Variants in PCDH15 observed in about 807,000 individuals in gnomAD.
PCDH15 encodes protocadherin related 15.
Under a neutral mutation model 178.5 loss-of-function variants are expected in PCDH15, and 129 were observed. That is an observed-to-expected ratio of 0.72 (90% CI 0.63 to 0.84). PCDH15 has a LOEUF of 0.84. Ranked by LOEUF, PCDH15 falls within the 40% of genes least tolerant of loss-of-function variation. PCDH15 has a pLI of 0.00. For missense variants in PCDH15, 2,230 were observed against 2,099.9 expected (o/e 1.06, Z -1.21); for synonymous variants, 800 against 732.0 (o/e 1.09, Z -1.50).
chr10:55,430,240 G>A (rs1403706468), intron 2 of PCDH15, among the ~76,000 whole-genome samples: 4 of 152,120 alleles, frequency 2.6e-5, no homozygotes, highest in African/African-American at 9.7e-5. Flanking sequence ...GCAGTTAGCT[G>A]AGATTGTGCC....
chr10:55,533,093 C>T (rs867939120), intron 2 of PCDH15, among the ~76,000 whole-genome samples: 4 of 151,968 alleles, frequency 2.6e-5, no homozygotes, highest in South Asian at 4.1e-4. Flanking sequence ...TTAGTAATAG[C>T]CATTTATGAC....
intron 3 of PCDH15, among the ~76,000 whole-genome samples, chr10:54,397,666 C>A (rs1357684108): frequency 2.0e-5 from 3 of 151,930 alleles, no homozygotes; most frequent in Non-Finnish European, 4.4e-5. Context: ...TTGTGTGCAT[C>A]AAACCAGGCA....
chr10:55,165,848 A>C (rs1391744551), intron 2 of PCDH15, among the ~76,000 whole-genome samples: 1 of 152,008 alleles, frequency 6.6e-6, no homozygotes, highest in Non-Finnish European at 1.5e-5. Context: ...TATAAATTTT[A>C]TTCATTACTA....
chr10:54,619,696 T>C lies in PCDH15; in HGVS notation c.91+44476A>G, dbSNP rs552402573. ...TGCCTAGCTTCCACCATTACTGCTA[T>C]ACTCCACTTCTAACAAAATTATCAT... On this transcript the variant is annotated intron_variant, in intron 2 of 37. Transcript: ENST00000644397. 2.6e-5 allele frequency among the ~76,000 whole-genome samples: 4 copies of C among 152,178 alleles called. No homozygotes were observed. The South Asian group carries it at 8.3e-4, about 32-fold the overall frequency.
intron 2 of PCDH15, among the ~76,000 whole-genome samples, chr10:55,545,211 C>T (rs975459869): frequency 6.6e-6 from 1 of 150,558 alleles, no homozygotes; most frequent in Admixed American, 6.6e-5. Context: ...CAAGTCACTA[C>T]AATTGGCTCA....
chr10:54,030,516 G>T (rs2093262725), intron 18 of PCDH15, among the ~76,000 whole-genome samples: 1 of 151,562 alleles, frequency 6.6e-6, no homozygotes. Flanking sequence ...TTGAACAATG[G>T]CAAGTAGACT....
chr10:55,274,582 A>G (rs1418143290), intron 1 of PCDH15, among the ~76,000 whole-genome samples: 1 of 152,086 alleles, frequency 6.6e-6, no homozygotes, highest in Non-Finnish European at 1.5e-5. Context: ...GCTTCTGTCC[A>G]GGAACCTTAG....
intron 2 of PCDH15, among the ~76,000 whole-genome samples, chr10:55,402,013 A>G (rs1275006888): frequency 2.0e-5 from 3 of 152,058 alleles, no homozygotes; most frequent in Non-Finnish European, 4.4e-5. Context: ...TTGCAAAAAG[A>G]TGAAGCAAAG....
At chr10:55,219,634 T>C (rs576499910) in intron 1 of PCDH15, among the ~76,000 whole-genome samples, 1 of 151,830 alleles carries the variant, frequency 6.6e-6, no homozygotes, top group South Asian at 2.1e-4. Context: ...TATTCAAATA[T>C]GATAAAGTAA....
chr10:54,895,124 A>G (rs1296031263), intron 3 of PCDH15, among the ~76,000 whole-genome samples: 2 of 152,194 alleles, frequency 1.3e-5, no homozygotes, highest in African/African-American at 2.4e-5. Flanking sequence ...CTTAGAATGA[A>G]CAATAAAAAT....
At chr10:54,796,836 C>G (rs2093995263) in intron 1 of PCDH15, among the ~76,000 whole-genome samples, 1 of 151,990 alleles carries the variant, frequency 6.6e-6, no homozygotes, top group Admixed American at 6.6e-5. Context: ...AACCTCTCAT[C>G]CAGTTTTAAT....
chr10:54,731,545 G>GATATAT (rs1167781763), intron 1 of PCDH15, among the ~76,000 whole-genome samples: 1 of 80,256 alleles, frequency 1.2e-5, no homozygotes, highest in Admixed American at 1.2e-4. Flanking sequence ...ATGTGAGATA[G>GATATAT]ATATATATAT....
intron 1 of PCDH15, among the ~76,000 whole-genome samples, chr10:54,749,874 C>T (rs1445595437): frequency 1.3e-5 from 2 of 152,086 alleles, no homozygotes; most frequent in Non-Finnish European, 2.9e-5. Context: ...AGAGCATAGA[C>T]TCTGGAGTAT....
intron 2 of PCDH15, among the ~76,000 whole-genome samples, chr10:55,349,763 T>C (rs1588942538): frequency 1.3e-5 from 2 of 151,992 alleles, no homozygotes; most frequent in Non-Finnish European, 2.9e-5. Flanking sequence ...ATAAAGAGAG[T>C]CATGGCAGAA....
chr10:54,456,372 T>G (rs1477812999), intron 3 of PCDH15, among the ~76,000 whole-genome samples: 2 of 152,168 alleles, frequency 1.3e-5, no homozygotes, highest in Non-Finnish European at 2.9e-5. Flanking sequence ...TTTGGAACTT[T>G]AAAGTTTAAT....
intron 23 of PCDH15, among the ~76,000 whole-genome samples, chr10:53,954,502 G>C (rs946196417): frequency 3.3e-5 from 5 of 152,274 alleles, no homozygotes; most frequent in Non-Finnish European, 5.9e-5. Flanking sequence ...AACCATTTTT[G>C]ATCAAGGTCT....
At chr10:54,763,134 C>A (rs1948093680) in intron 1 of PCDH15, among the ~76,000 whole-genome samples, 1 of 152,110 alleles carries the variant, frequency 6.6e-6, no homozygotes, top group Admixed American at 6.6e-5. Flanking sequence ...TGAACCCACC[C>A]TGCTCTTTTG....
At chr10:55,357,001 G>T (rs1169275422) in intron 2 of PCDH15, among the ~76,000 whole-genome samples, 1 of 151,874 alleles carries the variant, frequency 6.6e-6, no homozygotes, top group Non-Finnish European at 1.5e-5. Context: ...AACACATAGT[G>T]CCCTGTAACA....
chr10:54,434,246 G>A (rs1237211314), intron 3 of PCDH15, among the ~76,000 whole-genome samples: 5 of 151,868 alleles, frequency 3.3e-5, no homozygotes, highest in Non-Finnish European at 5.9e-5. Flanking sequence ...AATTACTGAA[G>A]AAAAAATTAA....
Sources: allele counts gnomAD v4.1 joint callset (sites outside exome capture counted in the v4.1 genomes callset), GRCh38; gene constraint gnomAD v4.1.1; transcripts MANE v1.5; gene names NCBI Gene and HGNC (gene_info 2026-07-23, HGNC 2026-07-21).